The following PHF21B variants were observed in gnomAD, a reference collection of about 807,000 sequenced individuals.
PHF21B encodes PHD finger protein 4.
In PHF21B, 22 loss-of-function variants were observed where a neutral mutation model predicts 62.2. The observed-to-expected ratio is 0.35, with a 90% CI of 0.25 to 0.51. PHF21B has a LOEUF of 0.51. Among genes scored for constraint, PHF21B ranks in the 20% least tolerant of loss-of-function variants. PHF21B has a pLI of 0.97. For synonymous variants in PHF21B, 341 were observed against 314.7 expected (o/e 1.08, Z -0.88); for missense variants, 701 against 707.9 (o/e 0.99, Z 0.11).
chr22:44,938,350 C>T (rs1302141337), intron 2 of PHF21B, among the ~76,000 whole-genome samples: 1 of 152,246 alleles, frequency 6.6e-6, no homozygotes, highest in Non-Finnish European at 1.5e-5. Context: ...TCTCATGCCT[C>T]AGCCTCCAGA....
At chr22:44,980,916 C>T (rs1201741941) in intron 2 of PHF21B, among the ~76,000 whole-genome samples, 4 of 152,216 alleles carry the variant, frequency 2.6e-5, no homozygotes, top group East Asian at 1.9e-4. Flanking sequence ...ATTGTAATAT[C>T]GTTTCTGTCT....
At chr22:44,912,193 C>A (rs1601591583) in intron 5 of PHF21B, among the ~76,000 whole-genome samples, 1 of 152,190 alleles carries the variant, frequency 6.6e-6, no homozygotes, top group African/African-American at 2.4e-5. Context: ...ATTTTACAGG[C>A]TCATAGGTGG....
chr22:44,977,475 G>A (rs950461527), intron 2 of PHF21B, among the ~76,000 whole-genome samples: 2 of 151,804 alleles, frequency 1.3e-5, no homozygotes, highest in South Asian at 4.2e-4. Flanking sequence ...TGAGGCAGGA[G>A]AATCACTTGA....
intron 2 of PHF21B, among the ~76,000 whole-genome samples, chr22:44,996,931 C>T (rs896201481): frequency 1.3e-5 from 2 of 152,144 alleles, no homozygotes; most frequent in Non-Finnish European, 2.9e-5. Flanking sequence ...TGCACACACA[C>T]GCGCACATGC....
chr22:44,997,818 C>T (rs1227462692), intron 2 of PHF21B, among the ~76,000 whole-genome samples: 3 of 152,178 alleles, frequency 2.0e-5, no homozygotes, highest in Non-Finnish European at 4.4e-5. Context: ...TTGACTACAG[C>T]TTCACCCAGG....
rs945168893 is a variant in PHF21B, at chr22:44,896,551, T to A, written c.832-468A>T. ...AGGTGCACACAGCTGGGCTAATCAA[T>A]GTCACATAACACGTCACTGGTTCAT... On this transcript the variant is annotated intron_variant, in intron 5 of 12. Transcript: ENST00000313237. Among the ~76,000 whole-genome samples the A allele has an allele frequency of 6.6e-5, 10 of 152,374 alleles. No individual in the cohort carries two copies. The East Asian group carries it at 1.7e-3, about 26-fold the overall frequency.
At chr22:44,939,567 T>C (rs942035404) in intron 2 of PHF21B, among the ~76,000 whole-genome samples, 2 of 152,174 alleles carry the variant, frequency 1.3e-5, no homozygotes, top group Middle Eastern at 3.2e-3. Context: ...GTGAAGGAGA[T>C]GCTGGCGCTG....
At chr22:44,927,176 A>T (rs2071649536) in intron 2 of PHF21B, among the ~76,000 whole-genome samples, 1 of 151,738 alleles carries the variant, frequency 6.6e-6, no homozygotes, top group Non-Finnish European at 1.5e-5. Context: ...AGCTATTTCC[A>T]CTTGATCCTC....
chr22:44,948,030 C>T (rs1370930291), intron 2 of PHF21B, among the ~76,000 whole-genome samples: 5 of 152,238 alleles, frequency 3.3e-5, no homozygotes, highest in Admixed American at 2.0e-4. Flanking sequence ...ACTGCTGTCC[C>T]GTTCGGACGT....
chr22:44,970,026 T>C (rs1304342062), intron 2 of PHF21B, among the ~76,000 whole-genome samples: 2 of 152,186 alleles, frequency 1.3e-5, no homozygotes, highest in African/African-American at 4.8e-5. Context: ...GGTGGTCAAC[T>C]CTACAGGTGG....
At chr22:44,948,797 C>G (rs912081912) in intron 2 of PHF21B, among the ~76,000 whole-genome samples, 2 of 152,128 alleles carry the variant, frequency 1.3e-5, no homozygotes, top group Non-Finnish European at 2.9e-5. Flanking sequence ...TCAGGATATT[C>G]CACTTTGACT....
intron 5 of PHF21B, among the ~76,000 whole-genome samples, chr22:44,909,445 C>T (rs4823413): frequency 0.075 from 11,458 of 152,294 alleles, 437 homozygotes; most frequent in South Asian, 0.091. Context: ...TTTCTTGAGA[C>T]GATTAGGCCC....
chr22:44,953,843 A>G (rs753315148), intron 2 of PHF21B, among the ~76,000 whole-genome samples: 17 of 152,242 alleles, frequency 1.1e-4, no homozygotes, highest in Non-Finnish European at 2.5e-4. Flanking sequence ...AAACAACTCT[A>G]TGTAAAGGCA....
chr22:45,009,071 C>T lies in PHF21B; in HGVS notation c.54+425G>A. On this transcript the variant is annotated intron_variant, in intron 1 of 12. Coordinates refer to ENST00000313237, the MANE Select transcript of PHF21B (RefSeq NM_138415.5). The surrounding 1 kb of genome is among the most constrained non-coding windows in gnomAD (Gnocchi z 5.9). Reference sequence around the variant, plus strand: ...GCTCAGGCTCCGGCCGCCACGCCGCCGCTCGCCAGCAGCGATCGCCAAAAC... The same window carrying T: ...GCTCAGGCTCCGGCCGCCACGCCGCTGCTCGCCAGCAGCGATCGCCAAAAC... 1 of 1,108,236 alleles carries T rather than the reference C, an allele frequency of 9.0e-7. No individual in the cohort carries two copies. The highest frequency in any genetic ancestry group is 1.1e-6 in the Non-Finnish European group (1 of 901,082). The allele number at this position is 1,108,236 out of a possible 1,614,324, so 68.7% of individuals were successfully genotyped here.
At chr22:45,008,753 G>T in intron 1 of PHF21B, 143 bp from the exon 2 acceptor site, 1 of 1,147,834 alleles carries the variant, frequency 8.7e-7, no homozygotes, top group Non-Finnish European at 1.1e-6. Context: ...GCCGCGTCCT[G>T]CACGCGCGGC....
At chr22:44,978,929 C>A (rs1601671387) in intron 2 of PHF21B, among the ~76,000 whole-genome samples, 1 of 152,336 alleles carries the variant, frequency 6.6e-6, no homozygotes, top group South Asian at 2.1e-4. Flanking sequence ...GTGAGGCAGG[C>A]CCACTGGCCC....
chr22:44,945,809 G>A (rs1288719599), intron 2 of PHF21B, among the ~76,000 whole-genome samples: 3 of 152,072 alleles, frequency 2.0e-5, no homozygotes, highest in African/African-American at 7.2e-5. Context: ...CTGAGTCTGG[G>A]GCTCCAAAGG....
chr22:44,958,937 G>A (rs1018174777), intron 2 of PHF21B, among the ~76,000 whole-genome samples: 5 of 151,994 alleles, frequency 3.3e-5, no homozygotes, highest in Admixed American at 6.6e-5. Flanking sequence ...CACCGCACCC[G>A]GCCCCTCCTT....
rs113467215 is a variant in PHF21B at position 44,893,246 on chromosome 22, A to C, written c.960+211T>G. Among the ~76,000 whole-genome samples, 755 of 152,282 alleles carry C rather than the reference A, an allele frequency of 5.0e-3. 6 individuals carry two copies. The highest frequency in any genetic ancestry group is 0.017 in the African/African-American group (721 of 41,558). On this transcript the variant is annotated intron_variant, in intron 7 of 12. Transcript: ENST00000313237. The stretch of plus-strand genomic sequence containing the variant: ...GAGCCTCTATTAGGAATAAACTGAC[A>C]TCTCCTCTTCCGCATCTTCCTATCA...
Sources: gnomAD v4.1 joint callset for allele counts (sites outside exome capture counted in the v4.1 genomes callset) on GRCh38, gnomAD v4.1.1 for gene constraint, Gnocchi (gnomAD v3.1) non-coding constraint, MANE v1.5 for transcripts, NCBI Gene and HGNC (gene_info 2026-07-23, HGNC 2026-07-21) for gene names.